EYS: variants seen among roughly 807,000 people sequenced by gnomAD.
EYS encodes protein eyes shut homolog.
EYS carries 250 observed loss-of-function variants against 282.1 expected under a neutral mutation model. The observed-to-expected ratio is 0.89, with a 90% CI of 0.80 to 0.98. The LOEUF is 0.98. Ranked by LOEUF, EYS falls within the 50% of genes least tolerant of loss-of-function variation. The pLI is 0.00. For missense variants in EYS, 4,016 were observed against 3,709.0 expected (o/e 1.08, Z -2.15); for synonymous variants, 1,355 against 1,282.9 (o/e 1.06, Z -1.20).
intron 29 of EYS, among the ~76,000 whole-genome samples, chr6:64,385,448 G>C (rs1246343570): frequency 1.3e-5 from 2 of 152,104 alleles, no homozygotes; most frequent in African/African-American, 4.8e-5. Flanking sequence ...TGCTTAGCTG[G>C]CTGCCTTTTT....
At chr6:65,170,854 TC>T (rs1253196138) in intron 12 of EYS, among the ~76,000 whole-genome samples, 1 of 151,512 alleles carries the variant, frequency 6.6e-6, no homozygotes, top group Non-Finnish European at 1.5e-5. Flanking sequence ...TATTTAGAAA[TC>T]TTTGAATATC....
chr6:64,668,543 C>CTT lies in EYS; in HGVS notation c.3444-42300_3444-42299dup, dbSNP rs35765768. Among the ~76,000 whole-genome samples, 628 of 76,116 alleles carry CTT rather than the reference C, an allele frequency of 8.3e-3. 21 individuals are homozygous for CTT. Among genetic ancestry groups the CTT allele is most frequent in the East Asian group, 0.011 (24 of 2,268 alleles). The allele number at this position is 76,116 out of a possible 152,430, so 49.9% of individuals were successfully genotyped here. A position where few individuals can be genotyped will look rare whatever the true frequency, so the allele number is the denominator to read the frequency against. On this transcript the variant is annotated intron_variant, in intron 22 of 42. Coordinates refer to ENST00000503581, the MANE Select transcript of EYS (RefSeq NM_001142800.2). ...CAGCCTTCCAGCTAGTACCACAATT[C>CTT]TTTTTTTTTTTTTTTTTTTTTTTCG...
In EYS at chr6:63,991,971, CAA is replaced by C. The variant is rs1767625155; in HGVS notation, c.6834+7102_6834+7103del. Among the ~76,000 whole-genome samples the C allele has an allele frequency of 5.3e-5, 8 of 151,808 alleles. No individual in the cohort carries two copies. The East Asian group carries it at 1.6e-3, about 29-fold the overall frequency. The stretch of plus-strand genomic sequence containing the variant: ...GCTAAACATTTTTTAAAGGAACCTG[CAA>C]ACCAAGAATACTGTATTTGCCAAAA... On this transcript the variant is annotated intron_variant, in intron 34 of 42. Transcript: ENST00000503581.
intron 1 of EYS, among the ~76,000 whole-genome samples, chr6:65,682,863 C>G (rs962230148): frequency 6.6e-6 from 1 of 151,852 alleles, no homozygotes; most frequent in South Asian, 2.1e-4. Flanking sequence ...TCTGAGGGAA[C>G]AGTAAATACC....
chr6:64,365,507 G>T (rs149184438), intron 29 of EYS, among the ~76,000 whole-genome samples: 1 of 152,056 alleles, frequency 6.6e-6, no homozygotes, highest in Non-Finnish European at 1.5e-5. Context: ...ACGTATAAGA[G>T]CAGCCATGGA....
intron 2 of EYS, among the ~76,000 whole-genome samples, chr6:65,530,006 T>C (rs1767703847): frequency 6.6e-6 from 1 of 152,226 alleles, no homozygotes; most frequent in African/African-American, 2.4e-5. Context: ...GAAAATATTA[T>C]CTTTTGTTTG....
intron 26 of EYS, among the ~76,000 whole-genome samples, chr6:64,543,895 T>C (rs891689556): frequency 5.9e-5 from 9 of 152,160 alleles, no homozygotes; most frequent in Non-Finnish European, 1.3e-4. Context: ...AAGAGAAACT[T>C]GTAGGTTTAG....
intron 12 of EYS, among the ~76,000 whole-genome samples, chr6:65,251,818 C>G (rs1312870309): frequency 6.6e-6 from 1 of 151,970 alleles, no homozygotes; most frequent in Non-Finnish European, 1.5e-5. Flanking sequence ...AGGAGACTCC[C>G]AATGCCTAAA....
At chr6:64,779,480 T>A (rs1276981579) in intron 22 of EYS, among the ~76,000 whole-genome samples, 3 of 151,452 alleles carry the variant, frequency 2.0e-5, no homozygotes, top group Non-Finnish European at 4.4e-5. Flanking sequence ...TTGCCAGGAG[T>A]TGGGTTGGGG....
intron 39 of EYS, among the ~76,000 whole-genome samples, chr6:63,782,940 A>C (rs1288346472): frequency 6.7e-6 from 1 of 149,816 alleles, no homozygotes; most frequent in Non-Finnish European, 1.5e-5. Flanking sequence ...TTTTTTTTTA[A>C]ACTGCAGTAT....
At chr6:65,418,923 C>G (rs1767349083) in intron 5 of EYS, among the ~76,000 whole-genome samples, 3 of 151,998 alleles carry the variant, frequency 2.0e-5, no homozygotes, top group African/African-American at 7.2e-5. Context: ...AGTGAAGCCT[C>G]TCTACATCTA....
At chr6:65,332,437 G>A (rs1323295359) in intron 11 of EYS, 9 of 1,380,530 alleles carry the variant, frequency 6.5e-6, no homozygotes, top group East Asian at 2.5e-5. Flanking sequence ...AATTTGGGAA[G>A]AATTAATATT....
At chr6:65,141,532 A>G (rs1321356795) in intron 12 of EYS, among the ~76,000 whole-genome samples, 3 of 152,018 alleles carry the variant, frequency 2.0e-5, no homozygotes, top group African/African-American at 7.2e-5. Flanking sequence ...GGCAAAAGAT[A>G]TTAACAACTA....
Position 64,328,141 on chromosome 6 carries a change from C to G in EYS, c.6079-21059G>C, listed in dbSNP as rs78804166. On this transcript the variant is annotated intron_variant, in intron 29 of 42. Coordinates refer to ENST00000503581, the MANE Select transcript of EYS (RefSeq NM_001142800.2). ...TACTCCCTCTTATACAGGGAAACCT[C>G]AAGCTCTTATAGATCTAATGCAGTC... is the stretch of plus-strand genomic sequence containing the variant. Among the ~76,000 whole-genome samples, 64 of 152,344 alleles carry G rather than the reference C, an allele frequency of 4.2e-4. 1 individual carries two copies. The East Asian group carries it at 0.012, about 29-fold the overall frequency.
chr6:64,577,844 C>G (rs1377842799), intron 26 of EYS, among the ~76,000 whole-genome samples: 1 of 152,098 alleles, frequency 6.6e-6, no homozygotes, highest in Admixed American at 6.6e-5. Context: ...GATAAGCCTA[C>G]TTGTAGCGTG....
Position 64,199,794 on chromosome 6 carries a change from A to G in EYS, c.6424+30798T>C, listed in dbSNP as rs1304600609. On this transcript the variant is annotated intron_variant, in intron 31 of 42. Transcript: ENST00000503581. ...AGACACTTCTCAAAAGAAGACATTT[A>G]TGTGGCCAACAAACATATGAAAAAA... 1.2e-4 allele frequency among the ~76,000 whole-genome samples: 19 copies of G among 152,260 alleles called. 1 individual carries two copies. Among genetic ancestry groups the G allele is most frequent in the Admixed American group, 1.2e-3 (19 of 15,284 alleles).
At chr6:64,516,141 C>T (rs924917112) in intron 26 of EYS, among the ~76,000 whole-genome samples, 1 of 151,644 alleles carries the variant, frequency 6.6e-6, no homozygotes, top group Non-Finnish European at 1.5e-5. Context: ...AGAGGGGGAA[C>T]AACACACACT....
At chr6:65,554,143 C>G (rs1768702602) in intron 2 of EYS, among the ~76,000 whole-genome samples, 1 of 152,142 alleles carries the variant, frequency 6.6e-6, no homozygotes. Flanking sequence ...CGTCCTGTCA[C>G]TGGATCTCTG....
intron 12 of EYS, among the ~76,000 whole-genome samples, chr6:65,084,872 G>A (rs1774323460): frequency 6.6e-6 from 1 of 152,082 alleles, no homozygotes; most frequent in African/African-American, 2.4e-5. Flanking sequence ...AGTAGCATGG[G>A]CATCATTGTG....
Sources: gnomAD v4.1 joint callset for allele counts (sites outside exome capture counted in the v4.1 genomes callset) on GRCh38, gnomAD v4.1.1 for gene constraint, MANE v1.5 for transcripts, NCBI Gene and HGNC (gene_info 2026-07-23, HGNC 2026-07-21) for gene names.